The following CHFR variants were observed in gnomAD, a reference collection of about 807,000 sequenced individuals.
The protein encoded by CHFR is checkpoint with forkhead and ring finger domains, also known as E3 ubiquitin-protein ligase CHFR.
CHFR carries 57 observed loss-of-function variants against 87.6 expected under a neutral mutation model. The ratio of observed to expected loss-of-function variants is 0.65; its 90% CI spans 0.53 to 0.81. The LOEUF (loss-of-function observed/expected upper bound fraction) is 0.81, where lower values mean the gene tolerates loss of function less well. CHFR is among the 30% of genes least tolerant of loss of function. CHFR has a pLI of 0.00. For missense variants in CHFR, 797 were observed against 865.8 expected, an observed-to-expected ratio of 0.92 and a Z score of 1.00; for synonymous variants, 381 against 359.2, an observed-to-expected ratio of 1.06 and a Z score of -0.69.
chr12:132,850,669 G>C (rs1593457372), intron 12 of CHFR, among the ~76,000 whole-genome samples: 1 of 152,138 alleles, frequency 6.6e-6, no homozygotes, highest in African/African-American at 2.4e-5. Flanking sequence ...GGTTTCCTGA[G>C]TGCCCAGAAC....
At chr12:132,870,502 G>A (rs1371695471) in intron 5 of CHFR, among the ~76,000 whole-genome samples, 3 of 147,150 alleles carry the variant, frequency 2.0e-5, no homozygotes, top group African/African-American at 7.5e-5. Context: ...CTGCACTCCA[G>A]GCTGAGCAAC....
chr12:132,887,294 G>T lies in CHFR; in HGVS notation c.35C>A (p.Pro12Gln). The change falls in exon 2 of 18, where the codon CCG (proline) becomes CAG (glutamine). Residue 12 changes from proline (P) to glutamine (Q), a missense_variant. By Grantham distance (76) the Pro-to-Gln change is moderately conservative. Coordinates refer to ENST00000450056, the MANE Select transcript of CHFR (RefSeq NM_001161346.2). Reference protein sequence around the residue: ...ERPEEGKQSPPPQPWGRLLRL... With the variant: ...ERPEEGKQSPQPQPWGRLLRL... ...CAGGAGCCGTCCCCAGGGCTGCGGC[G>T]GCGGCGACTGCTTGCCTTCCTCGGG... 1 of 1,484,410 alleles carries T rather than the reference G, an allele frequency of 6.7e-7. No homozygotes were observed. Among genetic ancestry groups the T allele is most frequent in the Non-Finnish European group, 8.9e-7 (1 of 1,124,740 alleles). The allele number at this position is 1,484,410 out of a possible 1,614,324, so 92.0% of individuals were successfully genotyped here. A position where few individuals can be genotyped will look rare whatever the true frequency, so the allele number is the denominator to read the frequency against.
chr12:132,859,018 A>G, intron 8 of CHFR, 50 bp downstream of exon 8: 1 of 1,570,152 alleles, frequency 6.4e-7, no homozygotes, highest in South Asian at 1.2e-5. Context: ...ACACGGGACG[A>G]AGAACCTGCA....
intron 14 of CHFR, 72 bp downstream of exon 14, chr12:132,848,013 T>A: frequency 6.2e-7 from 1 of 1,610,098 alleles, no homozygotes; most frequent in East Asian, 2.2e-5. Flanking sequence ...ACCAATAGAA[T>A]GCAGAGAACC....
chr12:132,845,487 T>C (rs903532174), intron 15 of CHFR, among the ~76,000 whole-genome samples: 12 of 148,848 alleles, frequency 8.1e-5, no homozygotes, highest in Non-Finnish European at 1.5e-4. Flanking sequence ...TAAATAAAAA[T>C]AAAAAAACTA....
At chr12:132,864,160 G>GT (rs1171261362) in intron 6 of CHFR, among the ~76,000 whole-genome samples, 1 of 149,718 alleles carries the variant, frequency 6.7e-6, no homozygotes, top group Admixed American at 6.7e-5. Flanking sequence ...GTATTCAAAT[G>GT]TAAGTGTTAT....
At position 132,847,399 on chromosome 12, in the gene CHFR, G is replaced by A. The variant is rs576848687; in HGVS notation, c.1648-269C>T. ...CTGCCAAGACCTACACAGCCCAGGT[G>A]TGAATGAGACATGAAAGCCAGGCCA... is the stretch of plus-strand genomic sequence containing the variant. On this transcript the variant is annotated intron_variant, in intron 14 of 17. Coordinates refer to ENST00000450056, the MANE Select transcript of CHFR (RefSeq NM_001161346.2). The A allele has an allele frequency of 8.1e-4, 979 of 1,204,288 alleles. 1 individual carries two copies. Among genetic ancestry groups the A allele is most frequent in the Non-Finnish European group, 9.5e-4 (904 of 955,012 alleles). 74.6% of individuals were successfully genotyped at this position (1,204,288 alleles called of 1,614,324 possible).
chr12:132,876,536 T>C (rs1446451586), intron 3 of CHFR, among the ~76,000 whole-genome samples: 1 of 152,234 alleles, frequency 6.6e-6, no homozygotes, highest in Non-Finnish European at 1.5e-5. Context: ...ACTTCAGTTG[T>C]ACAAGAACGA....
In CHFR at chr12:132,834,552, G is replaced by A. The variant is rs1416151852; in HGVS notation, c.*7002C>T. 1.3e-5 allele frequency: 2 copies of A among 152,212 alleles called. No individual in the cohort carries two copies. Among genetic ancestry groups the A allele is most frequent in the Admixed American group, 1.3e-4 (2 of 15,272 alleles). The allele number at this position is 152,212 out of a possible 1,614,324, so 9.4% of individuals were successfully genotyped here. On this transcript the variant is annotated 3_prime_UTR_variant, in exon 18 of 18. Transcript: ENST00000450056. ...CAAAATGAAGGGGCAGGCAGGGCTGGTTCCTTCTGGTGGCCCTGCAGGGAG... is the reference window on the plus strand; with the variant it reads ...CAAAATGAAGGGGCAGGCAGGGCTGATTCCTTCTGGTGGCCCTGCAGGGAG...
At chr12:132,861,947 A>C in intron 6 of CHFR, 1 of 334,738 alleles carries the variant, frequency 3.0e-6, no homozygotes, top group Non-Finnish European at 5.8e-6. Flanking sequence ...ACCCGTGGTC[A>C]TATGATACAC....
intron 5 of CHFR, among the ~76,000 whole-genome samples, chr12:132,870,108 T>C (rs1951450926): frequency 6.6e-6 from 1 of 151,922 alleles, no homozygotes; most frequent in African/African-American, 2.4e-5. Context: ...ATCCCAGCAC[T>C]TTGGGAGGCT....
At chr12:132,848,404 C>A in intron 13 of CHFR, 1 of 739,366 alleles carries the variant, frequency 1.4e-6, no homozygotes. Flanking sequence ...CAGAACCCCG[C>A]TGCAAGGATT....
At chr12:132,881,567 G>T (rs1951770195) in intron 2 of CHFR, among the ~76,000 whole-genome samples, 1 of 151,952 alleles carries the variant, frequency 6.6e-6, no homozygotes, top group Admixed American at 6.6e-5. Context: ...ATAAGAATTG[G>T]CTGAAAATAC....
Position 132,843,091 on chromosome 12 carries a change from A to G in CHFR, c.1844-8T>C, listed in dbSNP as rs1950735958. Reference sequence around the variant, plus strand: ...GACGGGATGTTACGGCCACTGGAAAAAGAGAAGGGGTACGCATCTATGAGA... The same window carrying G: ...GACGGGATGTTACGGCCACTGGAAAGAGAGAAGGGGTACGCATCTATGAGA... On this transcript the variant is annotated splice_polypyrimidine_tract_variant and splice_region_variant and intron_variant, in intron 16 of 17. Transcript: ENST00000450056. 1 of 1,611,936 alleles carries G rather than the reference A, an allele frequency of 6.2e-7. No homozygotes were observed. The highest frequency in any genetic ancestry group is 8.5e-7 in the Non-Finnish European group (1 of 1,179,204).
intron 14 of CHFR, chr12:132,847,331 C>A: frequency 7.5e-7 from 1 of 1,335,250 alleles, no homozygotes; most frequent in East Asian, 3.1e-5. Flanking sequence ...CTGGAAGTCC[C>A]AAAAGGTTCC....
chr12:132,847,336 G>C lies in CHFR; in HGVS notation c.1648-206C>G, dbSNP rs1327893756. ...CAAGAGCCTCCTGGAAGTCCCAAAA[G>C]GTTCCAGTGTAACAGTTACCAGAGT... On this transcript the variant is annotated intron_variant, in intron 14 of 17. Coordinates refer to ENST00000450056, the MANE Select transcript of CHFR (RefSeq NM_001161346.2). 32 of 1,324,218 alleles carry C rather than the reference G, an allele frequency of 2.4e-5. No homozygotes were observed. The Admixed American group carries it at 1.0e-3, about 42-fold the overall frequency. 82.0% of individuals were successfully genotyped at this position (1,324,218 alleles called of 1,614,324 possible).
intron 2 of CHFR, among the ~76,000 whole-genome samples, chr12:132,878,325 T>A (rs1337059499): frequency 1.3e-5 from 2 of 150,296 alleles, no homozygotes; most frequent in Admixed American, 1.3e-4. Flanking sequence ...AAAAATTAGC[T>A]GGGCATGGTG....
In CHFR at chr12:132,859,108, T is replaced by C. The variant is rs1951153632; in HGVS notation, c.871A>G (p.Thr291Ala). 1 of 1,614,010 alleles carries C rather than the reference T, an allele frequency of 6.2e-7. No homozygotes were observed. The highest frequency in any genetic ancestry group is 1.3e-5 in the African/African-American group (1 of 74,950). The change falls in exon 8 of 18, where the codon ACA (threonine) becomes GCA (alanine). Residue 291 changes from threonine (T) to alanine (A), a missense_variant. Transcript: ENST00000450056. The part of the protein sequence containing the change: ...GKPDKMEETL[T>A]CIICQDLLHD... Reference sequence around the variant, plus strand: ...AGCAGGTCCTGGCAGATGATGCATGTCAGCGTCTCCTCCATCTTGTCTGGC... The same window carrying C: ...AGCAGGTCCTGGCAGATGATGCATGCCAGCGTCTCCTCCATCTTGTCTGGC...
chr12:132,871,733 T>C (rs1340573338), intron 4 of CHFR, among the ~76,000 whole-genome samples: 1 of 151,820 alleles, frequency 6.6e-6, no homozygotes, highest in African/African-American at 2.4e-5. Flanking sequence ...GATTGCGCCA[T>C]TACACTTCAG....
Sources: gnomAD v4.1 joint callset for allele counts (sites outside exome capture counted in the v4.1 genomes callset) on GRCh38, gnomAD v4.1.1 for gene constraint, MANE v1.5 for transcripts, NCBI Gene and HGNC (gene_info 2026-07-23, HGNC 2026-07-21) for gene names.